The following CDH7 variants were observed in gnomAD, a reference collection of about 807,000 sequenced individuals.
CDH7 encodes cadherin 7.
In CDH7, 25 loss-of-function variants were observed where a neutral mutation model predicts 71.8. That is an observed-to-expected ratio of 0.35 (90% CI 0.25 to 0.49). CDH7 has a LOEUF of 0.49. CDH7 is among the 20% of genes least tolerant of loss of function. The probability of loss-of-function intolerance (pLI) is 0.99; values close to 1 mark genes in which losing one functional copy is unlikely to be tolerated. For synonymous variants in CDH7, 381 were observed against 363.8 expected, an observed-to-expected ratio of 1.05 and a Z score of -0.54; for missense variants, 862 against 974.6, an observed-to-expected ratio of 0.88 and a Z score of 1.54.
At chr18:65,780,580 G>A (rs1159145921) in intron 2 of CDH7, among the ~76,000 whole-genome samples, 6 of 141,572 alleles carry the variant, frequency 4.2e-5, no homozygotes, top group Non-Finnish European at 7.6e-5. Context: ...CCCATTGCTT[G>A]TTTTTCTCAG....
At chr18:65,782,028 CCCTTCCTTCCTTCCTT>C (rs200389546) in intron 2 of CDH7, among the ~76,000 whole-genome samples, 1 of 33,574 alleles carries the variant, frequency 3.0e-5, no homozygotes, top group African/African-American at 2.5e-4. Context: ...CTCTCTTTCT[CCCTTCCTTCCTTCCTT>C]CCTTCCTTCC....
chr18:65,809,983 G>T lies in CDH7; in HGVS notation c.490G>T (p.Glu164Ter). Reference sequence around the variant, plus strand: ...TGGCCCATACACGGCAGGAGTTCCCGAAATGTCTCCCGTGGGTAAGTAAAG... The same window carrying T: ...TGGCCCATACACGGCAGGAGTTCCCTAAATGTCTCCCGTGGGTAAGTAAAG... ...LDGPYTAGVP[E>*]MSPVGTSVVQ... Residue 164 changes from glutamate (E) to a stop codon, truncating the protein, a stop_gained, in exon 3 of 12, where the codon GAA becomes TAA. Coordinates refer to ENST00000397968, the MANE Select transcript of CDH7 (RefSeq NM_004361.5). LOFTEE classifies it high-confidence loss of function. The T allele has an allele frequency of 6.2e-7, 1 of 1,610,084 alleles. No individual in the cohort carries two copies. Among genetic ancestry groups the T allele is most frequent in the African/African-American group, 1.3e-5 (1 of 74,880 alleles).
At position 65,882,489 on chromosome 18, in the gene CDH7, T is replaced by A. The variant is rs1361141300; in HGVS notation, c.*1595T>A. 6.6e-6 allele frequency: 1 copy of A among 152,076 alleles called. No homozygotes were observed. Among genetic ancestry groups the A allele is most frequent in the African/African-American group, 2.4e-5 (1 of 41,440 alleles). The allele number at this position is 152,076 out of a possible 1,614,324, so 9.4% of individuals were successfully genotyped here. A position where few individuals can be genotyped will look rare whatever the true frequency, so the allele number is the denominator to read the frequency against. Reference sequence around the variant, plus strand: ...AAAGTGCTTTTTGAAAGGTAGACAGTGGAATTAGAATATTAATATGTTGAT... The same window carrying A: ...AAAGTGCTTTTTGAAAGGTAGACAGAGGAATTAGAATATTAATATGTTGAT... On this transcript the variant is annotated 3_prime_UTR_variant, in exon 12 of 12. Coordinates refer to ENST00000397968, the MANE Select transcript of CDH7 (RefSeq NM_004361.5).
chr18:65,753,065 T>G (rs957921983), intron 1 of CDH7, among the ~76,000 whole-genome samples: 6 of 152,170 alleles, frequency 3.9e-5, no homozygotes, highest in Admixed American at 3.3e-4. Context: ...TTGAATTGAC[T>G]CTAGTGTTTA....
chr18:65,806,914 A>T (rs1003204818), intron 2 of CDH7, among the ~76,000 whole-genome samples: 6 of 152,138 alleles, frequency 3.9e-5, no homozygotes, highest in Non-Finnish European at 7.3e-5. Context: ...TAACAATTCA[A>T]AGTTGGTCAA....
intron 6 of CDH7, among the ~76,000 whole-genome samples, chr18:65,835,792 G>T (rs1326491771): frequency 2.0e-5 from 3 of 152,168 alleles, no homozygotes; most frequent in African/African-American, 7.2e-5. Context: ...TTCAGAGTAG[G>T]AGGCTGTGGT....
At chr18:65,757,791 ATTT>A (rs72020881) in intron 1 of CDH7, among the ~76,000 whole-genome samples, 1 of 145,648 alleles carries the variant, frequency 6.9e-6, no homozygotes, top group Admixed American at 6.8e-5. Context: ...ATATATATAT[ATTT>A]TTTTTTTCTG....
intron 11 of CDH7, chr18:65,863,565 T>C (rs1006546531): frequency 2.6e-5 from 4 of 152,238 alleles, no homozygotes; most frequent in African/African-American, 7.2e-5. Flanking sequence ...GACTGGAGAA[T>C]ACATTTTCTA....
chr18:65,799,624 T>C (rs954459994), intron 2 of CDH7, among the ~76,000 whole-genome samples: 1 of 151,580 alleles, frequency 6.6e-6, no homozygotes, highest in Non-Finnish European at 1.5e-5. Context: ...TGCAGTGAGC[T>C]GAGATCTCGC....
At chr18:65,782,158 C>CT (rs1568182692) in intron 2 of CDH7, among the ~76,000 whole-genome samples, 1 of 110,476 alleles carries the variant, frequency 9.1e-6, no homozygotes, top group Non-Finnish European at 1.7e-5. Flanking sequence ...TTCTTTCTTT[C>CT]TTTCTTCCTT....
At chr18:65,814,773 AATATTT>A (rs1445125855) in intron 4 of CDH7, among the ~76,000 whole-genome samples, 169 bp downstream of exon 4, 1 of 152,128 alleles carries the variant, frequency 6.6e-6, no homozygotes, top group Non-Finnish European at 1.5e-5. Flanking sequence ...ACCTTTTAAA[AATATTT>A]TATTTTATTC....
In CDH7 at chr18:65,866,781, A is replaced by C. The variant is rs143967345; in HGVS notation, c.1864+3864A>C. Among the ~76,000 whole-genome samples the C allele has an allele frequency of 7.0e-4, 106 of 152,260 alleles. 1 individual carries two copies. The highest frequency in any genetic ancestry group is 2.4e-3 in the African/African-American group (98 of 41,544). On this transcript the variant is annotated intron_variant, in intron 11 of 11. Transcript: ENST00000397968. Reference sequence around the variant, plus strand: ...TCTTTATCTCTATCTGTATTCTCCTAACTTTATGGATGAACTGCTTTCTGA... The same window carrying C: ...TCTTTATCTCTATCTGTATTCTCCTCACTTTATGGATGAACTGCTTTCTGA...
At chr18:65,819,586 G>C (rs961440377) in intron 4 of CDH7, among the ~76,000 whole-genome samples, 3 of 152,066 alleles carry the variant, frequency 2.0e-5, no homozygotes, top group African/African-American at 7.2e-5. Context: ...TCTTAGAATA[G>C]CTACAGACAA....
intron 11 of CDH7, among the ~76,000 whole-genome samples, chr18:65,869,338 T>C (rs1913858774): frequency 6.6e-6 from 1 of 152,032 alleles, no homozygotes. Context: ...ACACCGCAGC[T>C]TAAAATCGTA....
intron 11 of CDH7, among the ~76,000 whole-genome samples, chr18:65,870,967 G>C (rs767092770): frequency 6.6e-6 from 1 of 151,972 alleles, no homozygotes; most frequent in African/African-American, 2.4e-5. Context: ...TGAAAATTTT[G>C]CAACCTTTTC....
intron 2 of CDH7, among the ~76,000 whole-genome samples, chr18:65,808,016 A>G (rs969547549): frequency 2.0e-5 from 3 of 152,176 alleles, no homozygotes; most frequent in Non-Finnish European, 4.4e-5. Flanking sequence ...GCCAGCTTTT[A>G]TAATCCTGGA....
Position 65,884,025 on chromosome 18 carries a change from T to A in CDH7, c.*3131T>A, listed in dbSNP as rs1914304909. 1 of 152,040 alleles carries A rather than the reference T, an allele frequency of 6.6e-6. No homozygotes were observed. Among genetic ancestry groups the A allele is most frequent in the African/African-American group, 2.4e-5 (1 of 41,378 alleles). 9.4% of individuals were successfully genotyped at this position (152,040 alleles called of 1,614,324 possible). A position where few individuals can be genotyped will look rare whatever the true frequency, so the allele number is the denominator to read the frequency against. On this transcript the variant is annotated 3_prime_UTR_variant, in exon 12 of 12. Coordinates refer to ENST00000397968, the MANE Select transcript of CDH7 (RefSeq NM_004361.5). ...CAGGAGCATCAATAGAAACTCAGGG[T>A]TTGCCAAATTATGCCCATTTTGAAC...
At chr18:65,867,726 C>T (rs1260338164) in intron 11 of CDH7, among the ~76,000 whole-genome samples, 2 of 152,158 alleles carry the variant, frequency 1.3e-5, no homozygotes, top group Admixed American at 6.5e-5. Flanking sequence ...CTTGGACTTC[C>T]AGGGCCCAGT....
At position 65,882,593 on chromosome 18, in the gene CDH7, A is replaced by C. The variant is rs1914261949; in HGVS notation, c.*1699A>C. 1 of 152,142 alleles carries C rather than the reference A, an allele frequency of 6.6e-6. No individual in the cohort carries two copies. The highest frequency in any genetic ancestry group is 2.4e-5 in the African/African-American group (1 of 41,454). 9.4% of individuals were successfully genotyped at this position (152,142 alleles called of 1,614,324 possible). ...ATGAAGTATGTAAAAGTGGCCTTCAACTTCATAAGTATAAATAATCCAATA... is the reference window on the plus strand; with the variant it reads ...ATGAAGTATGTAAAAGTGGCCTTCACCTTCATAAGTATAAATAATCCAATA... On this transcript the variant is annotated 3_prime_UTR_variant, in exon 12 of 12. Coordinates refer to ENST00000397968, the MANE Select transcript of CDH7 (RefSeq NM_004361.5).
Sources: allele counts gnomAD v4.1 joint callset (sites outside exome capture counted in the v4.1 genomes callset), GRCh38; gene constraint gnomAD v4.1.1; transcripts MANE v1.5; gene names NCBI Gene and HGNC (gene_info 2026-07-23, HGNC 2026-07-21).